Variants in NUP214 observed in about 807,000 individuals in gnomAD.
NUP214 encodes the protein nuclear pore complex protein Nup214.
Under a neutral mutation model 196.2 loss-of-function variants are expected in NUP214, and 79 were observed. The ratio of observed to expected loss-of-function variants is 0.40; its 90% CI spans 0.34 to 0.49. The LOEUF is 0.49. Among genes scored for constraint, NUP214 ranks in the 20% least tolerant of loss-of-function variants. NUP214 has a pLI of 0.58. For synonymous variants in NUP214, 1,020 were observed against 990.5 expected, an observed-to-expected ratio of 1.03 and a Z score of -0.56; for missense variants, 2,468 against 2,539.0, an observed-to-expected ratio of 0.97 and a Z score of 0.60.
intron 2 of NUP214, 101 bp downstream of exon 2, chr9:131,127,820 G>A: frequency 1.2e-6 from 1 of 859,046 alleles, no homozygotes; most frequent in Middle Eastern, 3.3e-4. Context: ...AATGAACACT[G>A]CTGTCAGTTT....
chr9:131,210,846 A>G (rs994443867), intron 30 of NUP214, among the ~76,000 whole-genome samples: 2 of 152,234 alleles, frequency 1.3e-5, no homozygotes, highest in African/African-American at 2.4e-5. Flanking sequence ...AGGCAGTCCA[A>G]TATATGTGTA....
At chr9:131,157,470 T>G (rs947444888) in intron 17 of NUP214, among the ~76,000 whole-genome samples, 15 of 143,388 alleles carry the variant, frequency 1.0e-4, no homozygotes, top group Non-Finnish European at 1.7e-4. Context: ...TTTTTTTTTT[T>G]TTTTTTTTTT....
intron 11 of NUP214, among the ~76,000 whole-genome samples, chr9:131,143,332 T>C (rs1291478747): frequency 6.6e-6 from 1 of 152,196 alleles, no homozygotes; most frequent in Non-Finnish European, 1.5e-5. Context: ...TTTTTTTCTT[T>C]TTAACCATTT....
In NUP214 at chr9:131,175,552, C is replaced by T. The variant is rs147810347; in HGVS notation, c.3250C>T (p.His1084Tyr). The T allele has an allele frequency of 5.6e-6, 9 of 1,614,074 alleles. No homozygotes were observed. The highest frequency in any genetic ancestry group is 2.7e-5 in the African/African-American group (2 of 74,930). ...TVKHGAPSPS[H>Y]PISAPQAAAA... ...GAAACATGGTGCACCTAGTCCTTCC[C>T]ACCCCATCTCAGCCCCGCAGGCAGC... The change falls in exon 23 of 36, where the codon CAC becomes TAC. Residue 1084 changes from histidine (H) to tyrosine (Y), a missense_variant. His to Tyr is a moderately conservative substitution (Grantham distance 83, BLOSUM62 2). Coordinates refer to ENST00000359428, the MANE Select transcript of NUP214 (RefSeq NM_005085.4).
At chr9:131,143,547 CTTATAAT>C (rs1831990621) in intron 11 of NUP214, among the ~76,000 whole-genome samples, 1 of 151,996 alleles carries the variant, frequency 6.6e-6, no homozygotes, top group Non-Finnish European at 1.5e-5. Flanking sequence ...TATTTAAATT[CTTATAAT>C]TTAGAGGACA....
Position 131,125,763 on chromosome 9 carries a change from C to T in NUP214, c.45+14C>T, listed in dbSNP as rs765667581. The T allele has an allele frequency of 3.2e-6, 5 of 1,550,974 alleles. No homozygotes were observed. The South Asian group carries it at 5.9e-5, about 18-fold the overall frequency. Reference sequence around the variant, plus strand: ...CGGGAGATGAAGGTCAGAGACTAACCGGGGCCTCCCTCCCTTCTTTAGTCC... The same window carrying T: ...CGGGAGATGAAGGTCAGAGACTAACTGGGGCCTCCCTCCCTTCTTTAGTCC... On this transcript the variant is annotated intron_variant, in intron 1 of 35. Transcript: ENST00000359428. The surrounding 1 kb of genome is among the most constrained non-coding windows in gnomAD (Gnocchi z 4.1).
Position 131,230,709 on chromosome 9 carries a change from C to G in NUP214, c.6154C>G (p.Gln2052Glu). Reference sequence around the variant, plus strand: ...CCCCACTTTCGGATCACTGTCCCAACAGACTTCTGGTTTTGGGACCCAGAG... The same window carrying G: ...CCCCACTTTCGGATCACTGTCCCAAGAGACTTCTGGTTTTGGGACCCAGAG... ...NAPTFGSLSQ[Q>E]TSGFGTQSSG... Residue 2052 changes from glutamine (Q) to glutamate (E), a missense_variant, in exon 34 of 36, where the codon CAG becomes GAG. Gln to Glu is a conservative substitution (Grantham distance 29). Coordinates refer to ENST00000359428, the MANE Select transcript of NUP214 (RefSeq NM_005085.4). 1 of 1,614,166 alleles carries G rather than the reference C, an allele frequency of 6.2e-7. No homozygotes were observed. Among genetic ancestry groups the G allele is most frequent in the Non-Finnish European group, 8.5e-7 (1 of 1,180,028 alleles).
chr9:131,174,301 G>A lies in NUP214; in HGVS notation c.3140G>A (p.Gly1047Asp), dbSNP rs371406281. Reference sequence around the variant, plus strand: ...CACCTGGTTCATGGTTCTTCACCTGGTGTGATGGGAACTTCAGGTAAGTAA... The same window carrying A: ...CACCTGGTTCATGGTTCTTCACCTGATGTGATGGGAACTTCAGGTAAGTAA... ...KSHLVHGSSP[G>D]VMGTSVATSA... is the part of the protein sequence containing the mutation. The change falls in exon 22 of 36, where the codon GGT becomes GAT. Residue 1047 changes from glycine (G) to aspartate (D), a missense_variant. By Grantham distance (94) the Gly-to-Asp change is moderately conservative. Around this residue, in one of 5 missense-constraint regions of NUP214, gnomAD observed 1,801 missense variants for 1,779.4 expected, o/e 1.01. Transcript: ENST00000359428. The A allele has an allele frequency of 1.4e-4, 228 of 1,612,534 alleles. No homozygotes were observed. In the African/African-American group the frequency reaches 1.8e-3, roughly 13 times the overall value.
chr9:131,231,390 A>G (rs1322981886), intron 34 of NUP214, among the ~76,000 whole-genome samples: 3 of 151,938 alleles, frequency 2.0e-5, no homozygotes, highest in Non-Finnish European at 4.4e-5. Flanking sequence ...ATGGGGTTTC[A>G]CTGTGTTAGC....
At chr9:131,189,177 A>G in intron 26 of NUP214, 46 bp downstream of exon 26, 2 of 1,426,108 alleles carry the variant, frequency 1.4e-6, no homozygotes, top group Non-Finnish European at 2.0e-6. Context: ...GAAGCACTCC[A>G]CAATAGGGGT....
intron 18 of NUP214, among the ~76,000 whole-genome samples, chr9:131,160,538 A>T (rs547131756): frequency 1.3e-5 from 2 of 152,332 alleles, no homozygotes; most frequent in African/African-American, 4.8e-5. Flanking sequence ...TGAAGTGCCC[A>T]TTAGAAATTT....
At chr9:131,127,481 T>G in intron 1 of NUP214, 43 bp from the exon 2 acceptor site, 1 of 1,509,884 alleles carries the variant, frequency 6.6e-7, no homozygotes, top group Non-Finnish European at 9.1e-7. Flanking sequence ...TGTTTTAATT[T>G]CTTTCTTTAT....
chr9:131,174,252 C>T lies in NUP214; in HGVS notation c.3091C>T (p.His1031Tyr), dbSNP rs1200809484. The T allele has an allele frequency of 1.9e-6, 3 of 1,613,966 alleles. No individual in the cohort carries two copies. Among genetic ancestry groups the T allele is most frequent in the Non-Finnish European group, 2.5e-6 (3 of 1,179,964 alleles). Residue 1031 changes from histidine (H) to tyrosine (Y), a missense_variant, in exon 22 of 36, where the codon CAT (histidine) becomes TAT (tyrosine). By Grantham distance (83) the His-to-Tyr change is moderately conservative (BLOSUM62 2). Coordinates refer to ENST00000359428, the MANE Select transcript of NUP214 (RefSeq NM_005085.4). ...TPSIQPSLLP[H>Y]AAPFAKSHLV... ...TTCCATCCAGCCCAGTCTCTTGCCCCATGCAGCACCTTTTGCTAAATCTCA... is the reference window on the plus strand; with the variant it reads ...TTCCATCCAGCCCAGTCTCTTGCCCTATGCAGCACCTTTTGCTAAATCTCA...
chr9:131,195,436 T>C (rs117729646), intron 28 of NUP214, 142 bp downstream of exon 28: 14,557 of 590,660 alleles, frequency 0.025, 231 homozygotes, highest in South Asian at 0.032. Flanking sequence ...ATAATGTGCA[T>C]TAGAAATATG....
intron 24 of NUP214, 38 bp from the exon 25 acceptor site, chr9:131,187,251 A>C (rs1440645379): frequency 6.4e-7 from 1 of 1,566,372 alleles, no homozygotes; most frequent in Non-Finnish European, 8.8e-7. Flanking sequence ...TTACCTAGTC[A>C]TGCCTTTCTC....
intron 3 of NUP214, 76 bp from the exon 4 acceptor site, chr9:131,129,203 A>G: frequency 8.1e-7 from 1 of 1,236,252 alleles, no homozygotes; most frequent in Non-Finnish European, 1.2e-6. Flanking sequence ...GTATTCAGTA[A>G]TTTCCATTGA....
At position 131,146,370 on chromosome 9, in the gene NUP214, T is replaced by TA; in HGVS notation, c.1945+68dup. 1 of 1,498,452 alleles carries TA rather than the reference T, an allele frequency of 6.7e-7. No individual in the cohort carries two copies. The highest frequency in any genetic ancestry group is 1.2e-5 in the South Asian group (1 of 86,534). 92.8% of individuals were successfully genotyped at this position (1,498,452 alleles called of 1,614,324 possible). On this transcript the variant is annotated intron_variant, in intron 13 of 35. Transcript: ENST00000359428. The surrounding 1 kb of genome is among the most constrained non-coding windows in gnomAD (Gnocchi z 4.6). ...TTCTCAGATTAACGGTTTTAAGTGT[T>TA]AAGAGTCGTAGCTAACATAGTTGGA...
chr9:131,130,621 T>A (rs1831519286), intron 4 of NUP214, 145 bp from the exon 5 acceptor site: 1 of 702,758 alleles, frequency 1.4e-6, no homozygotes, highest in African/African-American at 1.8e-5. Context: ...TGATTTTACT[T>A]TTTTCCACTT....
intron 3 of NUP214, chr9:131,128,869 C>T (rs1022082796): frequency 1.7e-5 from 5 of 287,900 alleles, no homozygotes; most frequent in African/African-American, 1.1e-4. Context: ...TATGCCTTGT[C>T]CCTCGTTCAT....
Sources: gnomAD v4.1 joint callset for allele counts (sites outside exome capture counted in the v4.1 genomes callset) on GRCh38, gnomAD v4.1.1 for gene constraint, gnomAD v4.1.1 regional missense constraint, Gnocchi (gnomAD v3.1) non-coding constraint, MANE v1.5 for transcripts, NCBI Gene and HGNC (gene_info 2026-07-23, HGNC 2026-07-21) for gene names.